PARD3: variants seen among roughly 807,000 people sequenced by gnomAD.
The protein encoded by PARD3 is partitioning defective 3 homolog.
A neutral mutation model predicts 155.4 loss-of-function variants in PARD3; 75 were observed. The observed-to-expected ratio is 0.48, with a 90% CI of 0.40 to 0.58. The LOEUF (loss-of-function observed/expected upper bound fraction) is 0.58. PARD3 is among the 20% of genes least tolerant of loss of function. PARD3 has a pLI of 0.00. For synonymous variants in PARD3, 576 were observed against 610.5 expected, an observed-to-expected ratio of 0.94 and a Z score of 0.83; for missense variants, 1,642 against 1,721.7, an observed-to-expected ratio of 0.95 and a Z score of 0.82.
intron 20 of PARD3, among the ~76,000 whole-genome samples, chr10:34,303,480 A>G (rs1342257811): frequency 6.6e-6 from 1 of 151,970 alleles, no homozygotes; most frequent in Admixed American, 6.6e-5. Context: ...CCAAAAAAAA[A>G]AGGAAAATAT....
intron 14 of PARD3, among the ~76,000 whole-genome samples, chr10:34,358,166 T>C (rs946428321): frequency 6.6e-6 from 1 of 152,208 alleles, no homozygotes; most frequent in Non-Finnish European, 1.5e-5. Context: ...TTTTCTACAG[T>C]TGGCACATAA....
rs375348524 is a variant in PARD3 at position 34,139,514 on chromosome 10, A to C, written c.3420-7931T>G. ...CTTCTTGTATCCTGGGAAAAAAATA[A>C]TCTGGGTTATTTTACTTGTACCAAT... On this transcript the variant is annotated intron_variant, in intron 22 of 24. Transcript: ENST00000374788. 1.8e-4 allele frequency among the ~76,000 whole-genome samples: 27 copies of C among 152,290 alleles called. No individual in the cohort carries two copies. In the East Asian group the frequency reaches 3.3e-3, roughly 18 times the overall value.
At chr10:34,663,179 GAGGC>G (rs1176045101) in intron 2 of PARD3, among the ~76,000 whole-genome samples, 11 of 152,032 alleles carry the variant, frequency 7.2e-5, no homozygotes, top group Non-Finnish European at 1.3e-4. Context: ...ATAACTAAAA[GAGGC>G]CAGGTGCAGA....
At chr10:34,814,744 G>C in intron 1 of PARD3, 132 bp downstream of exon 1, 2 of 763,394 alleles carry the variant, frequency 2.6e-6, no homozygotes, top group Admixed American at 7.1e-5. Flanking sequence ...GGGCGCCCGC[G>C]AGGCCCGACC....
At chr10:34,278,246 C>T (rs891288440) in intron 21 of PARD3, among the ~76,000 whole-genome samples, 4 of 152,010 alleles carry the variant, frequency 2.6e-5, no homozygotes, top group Non-Finnish European at 4.4e-5. Flanking sequence ...CAGAGTCTTG[C>T]TATGTTGCCC....
Position 34,235,909 on chromosome 10 carries a change from C to T in PARD3, c.3419+33748G>A, listed in dbSNP as rs552936355. Among the ~76,000 whole-genome samples, 119 of 152,210 alleles carry T rather than the reference C, an allele frequency of 7.8e-4. 1 individual carries two copies. The highest frequency in any genetic ancestry group is 7.7e-3 in the South Asian group (37 of 4,818). ...ACATGGTATTTCTCTCTAAAAATAT[C>T]CAACCATATAAGTATATTCAAACAC... On this transcript the variant is annotated intron_variant, in intron 22 of 24. Coordinates refer to ENST00000374788, the MANE Select transcript of PARD3 (RefSeq NM_001184785.2).
chr10:34,186,003 G>C (rs1418201956), intron 22 of PARD3, among the ~76,000 whole-genome samples: 1 of 151,974 alleles, frequency 6.6e-6, no homozygotes, highest in African/African-American at 2.4e-5. Context: ...TTTCCAAGGA[G>C]TTGAGCGGCA....
At chr10:34,583,722 G>A (rs980229271) in intron 2 of PARD3, among the ~76,000 whole-genome samples, 4 of 152,078 alleles carry the variant, frequency 2.6e-5, no homozygotes, top group Admixed American at 2.6e-4. Flanking sequence ...AATCTACTTT[G>A]TAAACACTAA....
intron 22 of PARD3, among the ~76,000 whole-genome samples, chr10:34,153,602 T>A (rs684361): frequency 0.033 from 4,970 of 152,292 alleles, 273 homozygotes; most frequent in African/African-American, 0.11. Context: ...CAAATTTACA[T>A]AACTCCATTG....
intron 2 of PARD3, among the ~76,000 whole-genome samples, chr10:34,671,538 G>A (rs1321799627): frequency 6.6e-6 from 1 of 152,102 alleles, no homozygotes; most frequent in South Asian, 2.1e-4. Flanking sequence ...TCACAGCAAT[G>A]AATACAATCT....
intron 22 of PARD3, among the ~76,000 whole-genome samples, chr10:34,140,309 T>C (rs969911910): frequency 2.0e-5 from 3 of 152,206 alleles, no homozygotes; most frequent in African/African-American, 7.2e-5. Context: ...TGATGAGCAG[T>C]ATTATGCCTT....
intron 4 of PARD3, among the ~76,000 whole-genome samples, chr10:34,468,873 C>T (rs1475402496): frequency 6.6e-6 from 1 of 152,080 alleles, no homozygotes. Flanking sequence ...ATAAATCAAG[C>T]AAATATCAAG....
intron 20 of PARD3, among the ~76,000 whole-genome samples, chr10:34,297,258 A>G (rs1166199829): frequency 6.6e-6 from 1 of 152,146 alleles, no homozygotes; most frequent in Non-Finnish European, 1.5e-5. Context: ...AGTTATGATC[A>G]CACCACTGCA....
At chr10:34,407,834 T>TA (rs920959393) in intron 5 of PARD3, among the ~76,000 whole-genome samples, 64 of 93,680 alleles carry the variant, frequency 6.8e-4, no homozygotes, top group Admixed American at 1.0e-3. Flanking sequence ...TCCTTATGCC[T>TA]AAAAAAAAAA....
intron 5 of PARD3, among the ~76,000 whole-genome samples, chr10:34,409,698 A>T (rs1289241359): frequency 6.6e-6 from 1 of 152,190 alleles, no homozygotes; most frequent in African/African-American, 2.4e-5. Flanking sequence ...ACACGATTTT[A>T]TTCAGACTAA....
intron 2 of PARD3, among the ~76,000 whole-genome samples, chr10:34,602,811 A>G (rs923042879): frequency 5.3e-5 from 8 of 152,194 alleles, no homozygotes; most frequent in African/African-American, 1.9e-4. Context: ...GTTCATAGAC[A>G]TGTAAAAACT....
intron 7 of PARD3, among the ~76,000 whole-genome samples, chr10:34,389,972 A>T (rs2384222): frequency 0.58 from 88,777 of 152,078 alleles, 28,060 homozygotes; most frequent in African/African-American, 0.85. Context: ...GTAAGTGTAA[A>T]CTGCAACTTG....
chr10:34,139,657 T>C (rs1948079438), intron 22 of PARD3, among the ~76,000 whole-genome samples: 1 of 152,134 alleles, frequency 6.6e-6, no homozygotes, highest in South Asian at 2.1e-4. Flanking sequence ...CATGAAGCCG[T>C]AGTAACAGGC....
chr10:34,710,515 A>C (rs1016998993), intron 1 of PARD3, among the ~76,000 whole-genome samples: 17 of 152,156 alleles, frequency 1.1e-4, no homozygotes, highest in Non-Finnish European at 2.2e-4. Context: ...ACATCTTGCT[A>C]CATTTATCTT....
Sources: gnomAD v4.1 joint callset for allele counts (sites outside exome capture counted in the v4.1 genomes callset) on GRCh38, gnomAD v4.1.1 for gene constraint, MANE v1.5 for transcripts, NCBI Gene and HGNC (gene_info 2026-07-23, HGNC 2026-07-21) for gene names.